ZRANB2: variants seen among roughly 807,000 people sequenced by gnomAD.
ZRANB2 encodes the protein zinc finger RANBP2-type containing 2, also known as zinc finger Ran-binding domain-containing protein 2.
A neutral mutation model predicts 53.4 loss-of-function variants in ZRANB2; 19 were observed. That is an observed-to-expected ratio of 0.36 (90% CI 0.25 to 0.52). The LOEUF is 0.52. Ranked by LOEUF, ZRANB2 falls within the 20% of genes least tolerant of loss-of-function variation. The pLI, the probability that ZRANB2 is intolerant of heterozygous loss-of-function variation, is 0.93. For synonymous variants in ZRANB2, 145 were observed against 134.8 expected (o/e 1.08, Z -0.52); for missense variants, 309 against 401.1 (o/e 0.77, Z 1.96).
rs1573047058 is a variant in ZRANB2, at chr1:71,064,582, A to G, written c.*492T>C. On this transcript the variant is annotated 3_prime_UTR_variant, in exon 10 of 10. Transcript: ENST00000370920. ...AGGGAATTTCAAAATAGACATTTAC[A>G]GTTGGCTGCTTACAACATAGTTTAA... 6.5e-6 allele frequency: 1 copy of G among 152,728 alleles called. No individual in the cohort carries two copies. Among genetic ancestry groups the G allele is most frequent in the Middle Eastern group, 3.4e-3 (1 of 294 alleles). 9.5% of individuals were successfully genotyped at this position (152,728 alleles called of 1,614,324 possible).
chr1:71,080,434 G>A (rs1470346321), intron 1 of ZRANB2, among the ~76,000 whole-genome samples: 4 of 152,080 alleles, frequency 2.6e-5, no homozygotes, highest in Admixed American at 1.3e-4. Context: ...AACCGAAGAG[G>A]GTAGAGCTTC....
intron 1 of ZRANB2, among the ~76,000 whole-genome samples, chr1:71,079,541 C>A (rs1359118159): frequency 6.6e-6 from 1 of 152,186 alleles, no homozygotes; most frequent in East Asian, 1.9e-4. Flanking sequence ...GTGAAACACT[C>A]TAAATAATAT....
intron 3 of ZRANB2, 140 bp from the exon 4 acceptor site, chr1:71,077,017 G>A: frequency 1.5e-6 from 1 of 685,638 alleles, no homozygotes; most frequent in Admixed American, 3.2e-5. Flanking sequence ...TGTAAACAAA[G>A]AAAATGTACA....
At chr1:71,076,321 AAC>A (rs1295706922) in intron 4 of ZRANB2, among the ~76,000 whole-genome samples, 1 of 152,228 alleles carries the variant, frequency 6.6e-6, no homozygotes, top group African/African-American at 2.4e-5. Context: ...ACCGCCAAAT[AAC>A]TTTAACAGTT....
chr1:71,072,796 T>C (rs147322693), intron 4 of ZRANB2, among the ~76,000 whole-genome samples: 6 of 152,236 alleles, frequency 3.9e-5, no homozygotes, highest in Non-Finnish European at 8.8e-5. Context: ...ACTTATTTAA[T>C]TCATAGAAAG....
chr1:71,068,339 A>G (rs1206085544), intron 8 of ZRANB2, among the ~76,000 whole-genome samples: 1 of 152,114 alleles, frequency 6.6e-6, no homozygotes, highest in Non-Finnish European at 1.5e-5. Context: ...ATGGAATTTC[A>G]TTTTCTTATT....
At chr1:71,076,088 A>G (rs1191628586) in intron 4 of ZRANB2, among the ~76,000 whole-genome samples, 2 of 152,190 alleles carry the variant, frequency 1.3e-5, no homozygotes, top group Admixed American at 1.3e-4. Flanking sequence ...GACTAGATAT[A>G]GAAGGAATCC....
chr1:71,080,039 A>C (rs1021374443), intron 1 of ZRANB2, among the ~76,000 whole-genome samples: 1 of 152,226 alleles, frequency 6.6e-6, no homozygotes. Flanking sequence ...TAAATAAGTA[A>C]TAGAATTTTA....
In ZRANB2 at chr1:71,070,931, A is replaced by C; in HGVS notation, c.579T>G (p.Ser193Arg). ...TTCGTCTATTAGATTTCTTTTTATTACTATCTTCTTCTTCACTGGCATCAA... is the reference window on the plus strand; with the variant it reads ...TTCGTCTATTAGATTTCTTTTTATTCCTATCTTCTTCTTCACTGGCATCAA... Reference protein sequence around the residue: ...YNLDASEEEDSNKKKSNRRSR... With the variant: ...YNLDASEEEDRNKKKSNRRSR... The change falls in exon 7 of 10, where the codon AGT becomes AGG. Residue 193 changes from serine to arginine, a missense_variant. Coordinates refer to ENST00000370920, the MANE Select transcript of ZRANB2 (RefSeq NM_203350.3). 1 of 1,611,476 alleles carries C rather than the reference A, an allele frequency of 6.2e-7. No individual in the cohort carries two copies.
At position 71,078,504 on chromosome 1, in the gene ZRANB2, T is replaced by C. The variant is rs1402278056; in HGVS notation, c.171A>G (p.Ala57=). 1 of 1,614,110 alleles carries C rather than the reference T, an allele frequency of 6.2e-7. No homozygotes were observed. Among genetic ancestry groups the C allele is most frequent in the Non-Finnish European group, 8.5e-7 (1 of 1,179,988 alleles). ...AGGTEIGKTL[A]EKSRGLFSAN... ...CACTAAATAGGCCTCGGCTCTTTTCTGCAAGTGTCTTTCCTATTTCAGTGC... is the reference window on the plus strand; with the variant it reads ...CACTAAATAGGCCTCGGCTCTTTTCCGCAAGTGTCTTTCCTATTTCAGTGC... The change falls in exon 3 of 10, where the codon GCA becomes GCG. Residue 57 remains alanine, a synonymous_variant. Transcript: ENST00000370920.
intron 6 of ZRANB2, among the ~76,000 whole-genome samples, chr1:71,071,867 T>A (rs1661601580): frequency 6.6e-6 from 1 of 152,152 alleles, no homozygotes; most frequent in African/African-American, 2.4e-5. Flanking sequence ...GCTATCAAAA[T>A]TACCTATTTA....
chr1:71,066,246 C>CA (rs985453855), intron 9 of ZRANB2: 3 of 153,354 alleles, frequency 2.0e-5, no homozygotes, highest in African/African-American at 7.2e-5. Flanking sequence ...AGGCCTTTCT[C>CA]AAAAAAGATT....
intron 8 of ZRANB2, chr1:71,067,610 A>G (rs747076016): frequency 3.5e-5 from 15 of 425,508 alleles, no homozygotes; most frequent in East Asian, 9.1e-5. Context: ...CTTCACTTGT[A>G]TATTTTGGTT....
chr1:71,063,500 T>G lies in ZRANB2; in HGVS notation c.*1574A>C, dbSNP rs992061739. On this transcript the variant is annotated 3_prime_UTR_variant, in exon 10 of 10. Coordinates refer to ENST00000370920, the MANE Select transcript of ZRANB2 (RefSeq NM_203350.3). ...TGCATTTGCTTAGTACAGCCAAAGT[T>G]TTAAATACAGAAAGCACAAGAATAA... 2.0e-5 allele frequency: 3 copies of G among 152,392 alleles called. No homozygotes were observed. The highest frequency in any genetic ancestry group is 4.4e-5 in the Non-Finnish European group (3 of 67,898). 9.4% of individuals were successfully genotyped at this position (152,392 alleles called of 1,614,324 possible).
At position 71,072,550 on chromosome 1, in the gene ZRANB2, T is replaced by C; in HGVS notation, c.302-2A>G. ...TTTCATTAAAACCACCACCATATCC[T>C]TAAAAAAGAGGGCACAAATTGTTAC... On this transcript the variant is annotated splice_acceptor_variant, in intron 4 of 9. Coordinates refer to ENST00000370920, the MANE Select transcript of ZRANB2 (RefSeq NM_203350.3). LOFTEE classifies it high-confidence loss of function. 6.2e-7 allele frequency: 1 copy of C among 1,600,754 alleles called. No homozygotes were observed. Among genetic ancestry groups the C allele is most frequent in the Non-Finnish European group, 8.5e-7 (1 of 1,171,600 alleles).
chr1:71,079,195 T>C (rs1661778598), intron 1 of ZRANB2, among the ~76,000 whole-genome samples: 1 of 152,166 alleles, frequency 6.6e-6, no homozygotes, highest in Non-Finnish European at 1.5e-5. Flanking sequence ...TGATAGGTTG[T>C]ACTGACTAAA....
At chr1:71,068,864 C>T (rs1661527391) in intron 8 of ZRANB2, among the ~76,000 whole-genome samples, 1 of 151,350 alleles carries the variant, frequency 6.6e-6, no homozygotes, top group African/African-American at 2.4e-5. Context: ...TCAAGGTTCA[C>T]TACAACCTTG....
chr1:71,077,633 T>G (rs1661736686), intron 3 of ZRANB2, among the ~76,000 whole-genome samples: 1 of 152,150 alleles, frequency 6.6e-6, no homozygotes, highest in Non-Finnish European at 1.5e-5. Context: ...GCAGGCAGAA[T>G]GCTTGAGCTC....
At position 71,063,400 on chromosome 1, in the gene ZRANB2, T is replaced by C. The variant is rs552410300; in HGVS notation, c.*1674A>G. On this transcript the variant is annotated 3_prime_UTR_variant, in exon 10 of 10. Coordinates refer to ENST00000370920, the MANE Select transcript of ZRANB2 (RefSeq NM_203350.3). ...ATCATTTCCTTATGAAATGAACTAG[T>C]ACAGCTTAGTTAAACCAAATGAAAT... 9.8e-5 allele frequency: 15 copies of C among 152,618 alleles called. No individual in the cohort carries two copies. The South Asian group carries it at 1.4e-3, about 15-fold the overall frequency. The allele number at this position is 152,618 out of a possible 1,614,324, so 9.5% of individuals were successfully genotyped here.
Sources: gnomAD v4.1 joint callset for allele counts (sites outside exome capture counted in the v4.1 genomes callset) on GRCh38, gnomAD v4.1.1 for gene constraint, MANE v1.5 for transcripts, NCBI Gene and HGNC (gene_info 2026-07-23, HGNC 2026-07-21) for gene names.